Variants in WDR59 observed in about 807,000 individuals in gnomAD.
WDR59 encodes GATOR2 complex protein WDR59.
A neutral mutation model predicts 131.2 loss-of-function variants in WDR59; 100 were observed. The observed-to-expected ratio is 0.76, with a 90% CI of 0.65 to 0.90. The LOEUF is 0.90. Among genes scored for constraint, WDR59 ranks in the 40% least tolerant of loss-of-function variants. The probability of loss-of-function intolerance (pLI) is 0.00; values close to 1 mark genes in which losing one functional copy is unlikely to be tolerated. For missense variants in WDR59, 1,203 were observed against 1,262.2 expected, an observed-to-expected ratio of 0.95 and a Z score of 0.71; for synonymous variants, 601 against 466.2, an observed-to-expected ratio of 1.29 and a Z score of -3.72.
chr16:74,899,608 T>C (rs1275694289), intron 18 of WDR59: 1 of 1,091,968 alleles, frequency 9.2e-7, no homozygotes, highest in Non-Finnish European at 1.2e-6. Context: ...TCATTTCAGG[T>C]TCCTCAAAGC....
intron 17 of WDR59, among the ~76,000 whole-genome samples, chr16:74,906,876 G>C (rs1965845389): frequency 6.6e-6 from 1 of 152,176 alleles, no homozygotes; most frequent in Non-Finnish European, 1.5e-5. Context: ...TTGTGGGTGA[G>C]GACAGTGTTC....
intron 3 of WDR59, among the ~76,000 whole-genome samples, chr16:74,952,624 C>T (rs574850251): frequency 6.6e-6 from 1 of 151,794 alleles, no homozygotes; most frequent in South Asian, 2.1e-4. Context: ...AGAAAAATAA[C>T]TTCCATCAAA....
rs1398864754 is a variant in WDR59 at position 74,887,731 on chromosome 16, A to G, written c.2371T>C (p.Cys791Arg). The change falls in exon 23 of 26, where the codon TGC (cysteine) becomes CGC (arginine). Residue 791 changes from cysteine to arginine, a missense_variant. Coordinates refer to ENST00000262144, the MANE Select transcript of WDR59 (RefSeq NM_030581.4). ...AGCCCTGGGTCTGACATACTGGAGC[A>G]GGAACCAGAAGAGGTAAAGCTAGGC... ...RYPSFTSSGSCSSMSDPGLNT... is the reference protein window; with the variant it reads ...RYPSFTSSGSRSSMSDPGLNT... 6.2e-7 allele frequency: 1 copy of G among 1,614,172 alleles called. No homozygotes were observed.
At chr16:74,930,194 T>G (rs2031253957) in intron 8 of WDR59, among the ~76,000 whole-genome samples, 1 of 152,186 alleles carries the variant, frequency 6.6e-6, no homozygotes, top group Admixed American at 6.5e-5. Flanking sequence ...TGAAAGGGTA[T>G]GATTAGAATG....
At chr16:74,895,567 T>C (rs754594702) in intron 18 of WDR59, among the ~76,000 whole-genome samples, 1 of 152,148 alleles carries the variant, frequency 6.6e-6, no homozygotes, top group Non-Finnish European at 1.5e-5. Flanking sequence ...CCGGCCCCAT[T>C]TGATCTTAAG....
At chr16:74,878,960 T>TAG (rs1334310433) in intron 25 of WDR59, among the ~76,000 whole-genome samples, 1 of 152,216 alleles carries the variant, frequency 6.6e-6, no homozygotes, top group Admixed American at 6.5e-5. Context: ...AATAGAAACT[T>TAG]AGAGAAAACA....
chr16:74,909,514 C>T lies in WDR59; in HGVS notation c.1629G>A (p.Arg543=). The part of the protein sequence containing the change: ...NIPFPRTSGA[R]FCGAGYLVYF... ...AAAGAGACCCACCTGCTCCGCAGAA[C>T]CTGGCCCCAGAAGTCCTAGGAAAGG... The change falls in exon 16 of 26, where the codon AGG becomes AGA. Residue 543 remains arginine, a synonymous_variant. Transcript: ENST00000262144. 6.3e-7 allele frequency: 1 copy of T among 1,581,064 alleles called. No homozygotes were observed.
At position 74,886,192 on chromosome 16, in the gene WDR59, T is replaced by TAAAAAAAAAAAAAAAAAA. The variant is rs1567687441; in HGVS notation, c.2546+77_2546+78insTTTTTTTTTTTTTTTTTT. On this transcript the variant is annotated intron_variant, in intron 24 of 25. Coordinates refer to ENST00000262144, the MANE Select transcript of WDR59 (RefSeq NM_030581.4). ...ATTCTGTGTCCAAAAAAAAAAAAAGTAAGAGTTGTGATTGTGGAGAAACTG... is the reference window on the plus strand; with the variant it reads ...ATTCTGTGTCCAAAAAAAAAAAAAGTAAAAAAAAAAAAAAAAAAAAGAGTTGTGATTGTGGAGAAACTG... 4.3e-6 allele frequency: 5 copies of TAAAAAAAAAAAAAAAAAA among 1,152,280 alleles called. No individual in the cohort carries two copies. In the African/African-American group the frequency reaches 8.3e-5, roughly 19 times the overall value. The allele number at this position is 1,152,280 out of a possible 1,614,324, so 71.4% of individuals were successfully genotyped here. A position where few individuals can be genotyped will look rare whatever the true frequency, so the allele number is the denominator to read the frequency against.
intron 14 of WDR59, among the ~76,000 whole-genome samples, chr16:74,911,847 T>G (rs1597697687): frequency 6.6e-6 from 1 of 152,354 alleles, no homozygotes; most frequent in East Asian, 1.9e-4. Flanking sequence ...TAACCGGAGA[T>G]GAATGCATAG....
In WDR59 at chr16:74,874,429, C is replaced by T; in HGVS notation, c.2705G>A (p.Cys902Tyr). Residue 902 changes from cysteine (C) to tyrosine (Y), a missense_variant, in exon 26 of 26, where the codon TGC (cysteine) becomes TAC (tyrosine). By Grantham distance (194) the Cys-to-Tyr change is radical. Coordinates refer to ENST00000262144, the MANE Select transcript of WDR59 (RefSeq NM_030581.4). ...ACGGACCTCACTCCGGCAGTGGCTG[C>T]AGTACACGCCGAACTCTGGAAATGG... ...PHKGIEFGVY[C>Y]SHCRSEVRGT... 1.9e-6 allele frequency: 3 copies of T among 1,613,914 alleles called. No individual in the cohort carries two copies. The highest frequency in any genetic ancestry group is 2.5e-6 in the Non-Finnish European group (3 of 1,179,996).
intron 1 of WDR59, among the ~76,000 whole-genome samples, chr16:74,978,559 G>A (rs9646309): frequency 0.46 from 69,892 of 152,014 alleles, 17,831 homozygotes; most frequent in Non-Finnish European, 0.58. Context: ...CATATCACAT[G>A]ATTCCATTTG....
At position 74,893,825 on chromosome 16, in the gene WDR59, G is replaced by T; in HGVS notation, c.1867-13C>A. Reference sequence around the variant, plus strand: ...ATCGTCTTGATTTCTAGGGGTAGATGACAGGATGTAACTAATGGGGACTTT... The same window carrying T: ...ATCGTCTTGATTTCTAGGGGTAGATTACAGGATGTAACTAATGGGGACTTT... On this transcript the variant is annotated splice_polypyrimidine_tract_variant and intron_variant, in intron 18 of 25. Coordinates refer to ENST00000262144, the MANE Select transcript of WDR59 (RefSeq NM_030581.4). 6.2e-7 allele frequency: 1 copy of T among 1,613,796 alleles called. No homozygotes were observed. Among genetic ancestry groups the T allele is most frequent in the Non-Finnish European group, 8.5e-7 (1 of 1,179,780 alleles).
intron 8 of WDR59, among the ~76,000 whole-genome samples, chr16:74,925,480 G>A (rs964695867): frequency 6.8e-6 from 1 of 147,028 alleles, no homozygotes; most frequent in African/African-American, 2.5e-5. Context: ...GGAGGCAGAG[G>A]TTGTAGTGAG....
At chr16:74,968,608 C>T (rs1328199734) in intron 1 of WDR59, among the ~76,000 whole-genome samples, 2 of 152,100 alleles carry the variant, frequency 1.3e-5, no homozygotes, top group Non-Finnish European at 2.9e-5. Flanking sequence ...GCAGTCCCAG[C>T]TGCTCAGGAG....
At chr16:74,933,050 G>T (rs989978916) in intron 8 of WDR59, among the ~76,000 whole-genome samples, 24 of 152,260 alleles carry the variant, frequency 1.6e-4, no homozygotes, top group African/African-American at 5.8e-4. Context: ...TTGTGGAAAA[G>T]ATTTTTGTGC....
rs796997422 is a variant in WDR59 at position 74,873,332 on chromosome 16, A to G, written c.*877T>C. Reference sequence around the variant, plus strand: ...AAGTGTGGGATTACAGGCATGAGCCATGGGGCCTGGCCAGGGAGACTTTTC... The same window carrying G: ...AAGTGTGGGATTACAGGCATGAGCCGTGGGGCCTGGCCAGGGAGACTTTTC... On this transcript the variant is annotated 3_prime_UTR_variant, in exon 26 of 26. Coordinates refer to ENST00000262144, the MANE Select transcript of WDR59 (RefSeq NM_030581.4). The G allele has an allele frequency of 1.4e-4, 22 of 152,404 alleles. No individual in the cohort carries two copies. Among genetic ancestry groups the G allele is most frequent in the African/African-American group, 5.3e-4 (22 of 41,582 alleles). 9.4% of individuals were successfully genotyped at this position (152,404 alleles called of 1,614,324 possible). A position where few individuals can be genotyped will look rare whatever the true frequency, so the allele number is the denominator to read the frequency against.
At chr16:74,904,332 A>G (rs529692595) in intron 17 of WDR59, 2 of 472,170 alleles carry the variant, frequency 4.2e-6, no homozygotes, top group East Asian at 4.0e-5. Context: ...AACTACTAGA[A>G]TAAGTGAATT....
At chr16:74,980,634 G>A (rs572592548) in intron 1 of WDR59, among the ~76,000 whole-genome samples, 8 of 152,160 alleles carry the variant, frequency 5.3e-5, no homozygotes, top group Admixed American at 3.3e-4. Context: ...GATTACAGGC[G>A]TTAGCCTACG....
chr16:74,872,174 A>AAAT lies in WDR59; in HGVS notation c.*2032_*2034dup. On this transcript the variant is annotated 3_prime_UTR_variant, in exon 26 of 26. Coordinates refer to ENST00000262144, the MANE Select transcript of WDR59 (RefSeq NM_030581.4). ...TTCTCTTACACCATTTCATTTTTTT[A>AAAT]AATGCTGGTTTTCCGCACTAGATCA... 6.6e-6 allele frequency: 1 copy of AAAT among 152,244 alleles called. No individual in the cohort carries two copies. The highest frequency in any genetic ancestry group is 2.1e-4 in the South Asian group (1 of 4,818). The allele number at this position is 152,244 out of a possible 1,614,324, so 9.4% of individuals were successfully genotyped here. A position where few individuals can be genotyped will look rare whatever the true frequency, so the allele number is the denominator to read the frequency against.
Sources: gnomAD v4.1 joint callset for allele counts (sites outside exome capture counted in the v4.1 genomes callset) on GRCh38, gnomAD v4.1.1 for gene constraint, MANE v1.5 for transcripts, NCBI Gene and HGNC (gene_info 2026-07-23, HGNC 2026-07-21) for gene names.